Variants in TASP1 observed in about 807,000 individuals in gnomAD.
The protein encoded by TASP1 is taspase 1.
In TASP1, 16 loss-of-function variants were observed where a neutral mutation model predicts 56.6. That is an observed-to-expected ratio of 0.28 (90% CI 0.19 to 0.43). The LOEUF is 0.43. Among genes scored for constraint, TASP1 ranks in the 20% least tolerant of loss-of-function variants. The pLI is 1.00. For missense variants in TASP1, 393 were observed against 511.6 expected (o/e 0.77, Z 2.24); for synonymous variants, 179 against 184.2 (o/e 0.97, Z 0.23).
chr20:13,508,397 A>C (rs1297171834), intron 10 of TASP1, among the ~76,000 whole-genome samples: 1 of 152,124 alleles, frequency 6.6e-6, no homozygotes, highest in African/African-American at 2.4e-5. Flanking sequence ...ATGCTCCAAA[A>C]TTTGAAATTT....
chr20:13,425,804 G>C (rs1411356607), intron 12 of TASP1, among the ~76,000 whole-genome samples: 1 of 152,014 alleles, frequency 6.6e-6, no homozygotes, highest in Admixed American at 6.6e-5. Flanking sequence ...ATAACCAGCA[G>C]GGTGTTTATC....
chr20:13,589,085 T>A (rs1601357661), intron 4 of TASP1, among the ~76,000 whole-genome samples: 1 of 137,390 alleles, frequency 7.3e-6, no homozygotes. Context: ...TGAGATGGAG[T>A]CTTGCTCTGT....
the TASP1 span, among the ~76,000 whole-genome samples, chr20:13,363,908 T>C: frequency 6.6e-6 from 1 of 152,182 alleles, no homozygotes; most frequent in Admixed American, 6.5e-5. Flanking sequence ...TTGGGGGTGA[T>C]GGAAATGTCT....
At chr20:13,274,657 C>A in the TASP1 span, among the ~76,000 whole-genome samples, 2 of 150,172 alleles carry the variant, frequency 1.3e-5, no homozygotes, top group East Asian at 2.0e-4. Flanking sequence ...GTCCCGCCCC[C>A]TCTCCACTCC....
the TASP1 span, among the ~76,000 whole-genome samples, chr20:13,352,888 T>C: frequency 6.6e-6 from 1 of 152,230 alleles, no homozygotes; most frequent in African/African-American, 2.4e-5. Context: ...TTGTTTGCTT[T>C]AGCTGTCAAT....
At chr20:13,483,991 G>A (rs1331550102) in intron 10 of TASP1, among the ~76,000 whole-genome samples, 1 of 152,064 alleles carries the variant, frequency 6.6e-6, no homozygotes, top group African/African-American at 2.4e-5. Context: ...ATCAAAAAGT[G>A]GGCAAAGGAT....
chr20:13,301,345 C>T, the TASP1 span, among the ~76,000 whole-genome samples: 11 of 152,200 alleles, frequency 7.2e-5, no homozygotes, highest in South Asian at 2.1e-4. Flanking sequence ...TGTGCCACCA[C>T]GCCTGGCTAA....
the TASP1 span, among the ~76,000 whole-genome samples, chr20:13,225,509 G>A: frequency 0.023 from 3,526 of 151,918 alleles, 58 homozygotes; most frequent in African/African-American, 0.05. Flanking sequence ...TAGTTTCAGC[G>A]CACTAGGGGT....
chr20:13,276,926 G>A, the TASP1 span, among the ~76,000 whole-genome samples: 26 of 152,204 alleles, frequency 1.7e-4, no homozygotes, highest in African/African-American at 5.5e-4. Context: ...TTTGTTAACT[G>A]TAGGGAAGGG....
At chr20:13,325,371 A>G in the TASP1 span, among the ~76,000 whole-genome samples, 1 of 152,200 alleles carries the variant, frequency 6.6e-6, no homozygotes, top group African/African-American at 2.4e-5. Flanking sequence ...GAACTCCTGC[A>G]TGCTTGCTCT....
the TASP1 span, among the ~76,000 whole-genome samples, chr20:13,350,966 G>GAAAAAAA: frequency 8.1e-6 from 1 of 122,838 alleles, no homozygotes; most frequent in African/African-American, 2.8e-5. Context: ...TTCCAAAAGT[G>GAAAAAAA]AAAAAAAAAA....
At position 13,580,939 on chromosome 20, in the gene TASP1, T is replaced by A. The variant is rs779990596; in HGVS notation, c.446A>T (p.Glu149Val). Reference protein sequence around the residue: ...PVSVANRLLCEGQKGKLSAGR... With the variant: ...PVSVANRLLCVGQKGKLSAGR... ...AGCCGAGAGCTTGCCCTTCTGCCCT[T>A]CACATAAGAGTCTGTTGGCAACCGA... The change falls in exon 6 of 14, where the codon GAA (glutamate) becomes GTA (valine). Residue 149 changes from glutamate to valine, a missense_variant. This residue lies in a region of TASP1 where 293 missense variants were observed against 354.2 expected (regional missense o/e 0.83). Transcript: ENST00000337743. 1 of 1,612,636 alleles carries A rather than the reference T, an allele frequency of 6.2e-7. No homozygotes were observed. The highest frequency in any genetic ancestry group is 1.7e-5 in the Admixed American group (1 of 59,898).
intron 13 of TASP1, among the ~76,000 whole-genome samples, chr20:13,406,027 T>C (rs1036819537): frequency 2.0e-5 from 3 of 152,228 alleles, no homozygotes; most frequent in Admixed American, 6.5e-5. Context: ...AGCTGATTCA[T>C]TGATTTTTAG....
chr20:13,605,542 T>C (rs2048116803), intron 4 of TASP1, among the ~76,000 whole-genome samples: 1 of 152,070 alleles, frequency 6.6e-6, no homozygotes, highest in Admixed American at 6.6e-5. Context: ...TAGCTGGGCA[T>C]GGTGGTGCAT....
chr20:13,397,958 C>T (rs1030898098), intron 13 of TASP1, among the ~76,000 whole-genome samples: 2 of 152,134 alleles, frequency 1.3e-5, no homozygotes, highest in African/African-American at 4.8e-5. Context: ...TCATAGGGAA[C>T]CTGGCCTCAA....
chr20:13,154,346 G>A, the TASP1 span, among the ~76,000 whole-genome samples: 3 of 152,066 alleles, frequency 2.0e-5, no homozygotes, highest in Non-Finnish European at 4.4e-5. Context: ...CTGAGACTGA[G>A]CTCTCTCCCT....
At chr20:13,179,406 C>CGTGTGCGTGTGCGTGT in the TASP1 span, among the ~76,000 whole-genome samples, 1 of 143,404 alleles carries the variant, frequency 7.0e-6, no homozygotes, top group Non-Finnish European at 1.5e-5. Flanking sequence ...GAATTATGTG[C>CGTGTGCGTGTGCGTGT]GTGTGTGTGT....
intron 11 of TASP1, among the ~76,000 whole-genome samples, chr20:13,438,352 A>G (rs977847308): frequency 2.0e-5 from 3 of 152,212 alleles, no homozygotes; most frequent in Admixed American, 6.5e-5. Flanking sequence ...ATAATGCCAC[A>G]TATCTACAAC....
intron 12 of TASP1, among the ~76,000 whole-genome samples, chr20:13,426,463 G>A (rs1018360776): frequency 8.6e-5 from 13 of 151,986 alleles, no homozygotes; most frequent in African/African-American, 9.7e-5. Context: ...ATAATCACTA[G>A]AACTATACTT....
Sources: gnomAD v4.1 joint callset for allele counts (sites outside exome capture counted in the v4.1 genomes callset) on GRCh38, gnomAD v4.1.1 for gene constraint, gnomAD v4.1.1 regional missense constraint, MANE v1.5 for transcripts, NCBI Gene and HGNC (gene_info 2026-07-23, HGNC 2026-07-21) for gene names.